Variants in NCLN observed in about 807,000 individuals in gnomAD.
NCLN encodes BOS complex subunit NCLN.
In NCLN, 34 loss-of-function variants were observed where a neutral mutation model predicts 69.5. The ratio of observed to expected loss-of-function variants is 0.49; its 90% confidence interval spans 0.37 to 0.65. The LOEUF (loss-of-function observed/expected upper bound fraction) is 0.65. Ranked by LOEUF, NCLN falls within the 30% of genes least tolerant of loss-of-function variation. NCLN has a pLI of 0.00. For missense variants in NCLN, 710 were observed against 804.8 expected (o/e 0.88, Z 1.42); for synonymous variants, 393 against 358.3 (o/e 1.10, Z -1.09).
intron 3 of NCLN, among the ~76,000 whole-genome samples, chr19:3,195,166 T>C (rs1915922938): frequency 7.4e-6 from 1 of 135,268 alleles, no homozygotes; most frequent in Non-Finnish European, 1.6e-5. Flanking sequence ...CGGGTGACAG[T>C]ACGATACTCC....
At chr19:3,202,751 GTT>G (rs5826805) in intron 6 of NCLN, among the ~76,000 whole-genome samples, 42 of 147,848 alleles carry the variant, frequency 2.8e-4, no homozygotes, top group Middle Eastern at 7.0e-3. Context: ...GCCAAAACTT[GTT>G]TTTTTTTTTT....
chr19:3,206,169 G>T lies in NCLN; in HGVS notation c.1314G>T (p.Met438Ile), dbSNP rs1209245860. The change falls in exon 11 of 15, where the codon ATG becomes ATT. Residue 438 changes from methionine (M) to isoleucine (I), a missense_variant. Coordinates refer to ENST00000246117, the MANE Select transcript of NCLN (RefSeq NM_020170.4). ...CTCCGCAGGGGACACCCCCAGACAT[G>T]CCGGTGTTCACAGAGCAGATGGTAA... is the stretch of plus-strand genomic sequence containing the variant. ...NLTEKGTPPDMPVFTEQMQIQ... is the reference protein window; with the variant it reads ...NLTEKGTPPDIPVFTEQMQIQ... The T allele has an allele frequency of 1.5e-5, 22 of 1,511,042 alleles. No individual in the cohort carries two copies. Among genetic ancestry groups the T allele is most frequent in the Non-Finnish European group, 1.8e-5 (20 of 1,127,568 alleles). 93.6% of individuals were successfully genotyped at this position (1,511,042 alleles called of 1,614,324 possible).
chr19:3,207,511 C>G (rs200142520), intron 14 of NCLN, 42 bp downstream of exon 14: 7 of 1,610,162 alleles, frequency 4.3e-6, no homozygotes, highest in Non-Finnish European at 5.9e-6. Flanking sequence ...GGCCGCCCGC[C>G]GGGAGGAGCT....
chr19:3,207,726 CAG>C lies in NCLN; in HGVS notation c.*39_*40del, dbSNP rs1916310981. 1 of 1,575,928 alleles carries C rather than the reference CAG, an allele frequency of 6.3e-7. No homozygotes were observed. On this transcript the variant is annotated 3_prime_UTR_variant, in exon 15 of 15. Transcript: ENST00000246117. ...CACAGCCGGAGCCCCCGCCGCTCCA[CAG>C]TCCCTGGGGCCGAGCACGAGTGAGT...
chr19:3,199,123 G>T (rs1916056708), intron 5 of NCLN, among the ~76,000 whole-genome samples: 1 of 152,240 alleles, frequency 6.6e-6, no homozygotes, highest in Non-Finnish European at 1.5e-5. Context: ...GGGCACGGCG[G>T]TGTCTGTGTC....
At chr19:3,204,507 T>A in intron 8 of NCLN, 66 bp from the exon 9 acceptor site, 1 of 1,448,442 alleles carries the variant, frequency 6.9e-7, no homozygotes, top group Non-Finnish European at 9.2e-7. Context: ...CCTGGAGCAT[T>A]TGGGGAATGG....
intron 8 of NCLN, 128 bp downstream of exon 8, chr19:3,204,272 G>C (rs1916202737): frequency 1.7e-6 from 2 of 1,201,008 alleles, no homozygotes; most frequent in Admixed American, 6.5e-5. Flanking sequence ...CACTGTGTCG[G>C]GGTCGGGCTG....
Position 3,201,684 on chromosome 19 carries a change from C to G in NCLN, c.800+58C>G. 3.0e-6 allele frequency: 4 copies of G among 1,328,150 alleles called. No individual in the cohort carries two copies. In the South Asian group the frequency reaches 5.2e-5, roughly 17 times the overall value. 82.3% of individuals were successfully genotyped at this position (1,328,150 alleles called of 1,614,324 possible). A position where few individuals can be genotyped will look rare whatever the true frequency, so the allele number is the denominator to read the frequency against. On this transcript the variant is annotated intron_variant, in intron 6 of 14. Coordinates refer to ENST00000246117, the MANE Select transcript of NCLN (RefSeq NM_020170.4). ...GCGGGGGCCACACTGCCGGACAGCGCTGCCCACCAGGCACCTCTGCAGATG... is the reference window on the plus strand; with the variant it reads ...GCGGGGGCCACACTGCCGGACAGCGGTGCCCACCAGGCACCTCTGCAGATG...
At chr19:3,191,063 C>T (rs1024026718) in intron 1 of NCLN, among the ~76,000 whole-genome samples, 5 of 150,098 alleles carry the variant, frequency 3.3e-5, no homozygotes, top group African/African-American at 4.9e-5. Context: ...GGGAGATCGT[C>T]GCGGTGTGTG....
At chr19:3,191,380 C>T (rs1008965797) in intron 1 of NCLN, among the ~76,000 whole-genome samples, 2 of 152,214 alleles carry the variant, frequency 1.3e-5, no homozygotes, top group African/African-American at 2.4e-5. Flanking sequence ...GCCCCAGGCT[C>T]TCAGCGACGG....
At chr19:3,192,691 G>C in intron 2 of NCLN, 31 bp downstream of exon 2, 1 of 1,491,568 alleles carries the variant, frequency 6.7e-7, no homozygotes. Context: ...GCCCGGCTCA[G>C]GTCCAGAGCT....
chr19:3,193,256 G>T, intron 2 of NCLN, 28 bp from the exon 3 acceptor site: 1 of 1,566,728 alleles, frequency 6.4e-7, no homozygotes, highest in South Asian at 1.2e-5. Context: ...CAGGCCAGCA[G>T]CCCCCTAAGT....
intron 5 of NCLN, 59 bp downstream of exon 5, chr19:3,198,956 C>A: frequency 7.9e-7 from 1 of 1,263,354 alleles, no homozygotes; most frequent in Non-Finnish European, 1.1e-6. Flanking sequence ...GGCTCCAGTC[C>A]AGTGCCGAGG....
intron 3 of NCLN, among the ~76,000 whole-genome samples, chr19:3,193,822 GT>G (rs1158482207): frequency 6.6e-6 from 1 of 152,242 alleles, no homozygotes; most frequent in Non-Finnish European, 1.5e-5. Flanking sequence ...TGCGTCGGCG[GT>G]GTCCTTACGG....
Position 3,204,634 on chromosome 19 carries a change from C to G in NCLN, c.1091C>G (p.Ala364Gly). The change falls in exon 9 of 15, where the codon GCG becomes GGG. Residue 364 changes from alanine (A) to glycine (G), a missense_variant. By Grantham distance (60) the Ala-to-Gly change is moderately conservative. Transcript: ENST00000246117. ...ATGGTGCACAAGCGGATCAACCTGG[C>G]GGAGGACGTGCTGGCCTGGGAGCAC... The part of the protein sequence containing the change: ...FSMVHKRINL[A>G]EDVLAWEHER... The G allele has an allele frequency of 6.2e-7, 1 of 1,606,910 alleles. No individual in the cohort carries two copies. The highest frequency in any genetic ancestry group is 8.5e-7 in the Non-Finnish European group (1 of 1,176,976).
intron 14 of NCLN, 67 bp from the exon 15 acceptor site, chr19:3,207,562 C>G: frequency 1.9e-6 from 3 of 1,609,012 alleles, no homozygotes; most frequent in Non-Finnish European, 2.5e-6. Flanking sequence ...CCTGGCTCAG[C>G]CTAGAGTCAC....
intron 1 of NCLN, among the ~76,000 whole-genome samples, chr19:3,189,579 C>A (rs542997842): frequency 1.3e-5 from 2 of 152,400 alleles, no homozygotes; most frequent in South Asian, 4.1e-4. Flanking sequence ...CCTGTCACGC[C>A]AACTGGTGAC....
At chr19:3,188,587 C>T in intron 1 of NCLN, among the ~76,000 whole-genome samples, 1 of 152,210 alleles carries the variant, frequency 6.6e-6, no homozygotes, top group East Asian at 1.9e-4. Flanking sequence ...TCTCTGGGGC[C>T]TTTGCCCACA....
intron 1 of NCLN, among the ~76,000 whole-genome samples, chr19:3,192,199 C>CA (rs1158588865): frequency 1.3e-5 from 2 of 152,234 alleles, no homozygotes; most frequent in East Asian, 3.9e-4. Flanking sequence ...AAAACAAAAC[C>CA]AAAAAACAAA....
Sources: allele counts gnomAD v4.1 joint callset (sites outside exome capture counted in the v4.1 genomes callset), GRCh38; gene constraint gnomAD v4.1.1; transcripts MANE v1.5; gene names NCBI Gene and HGNC (gene_info 2026-07-23, HGNC 2026-07-21).